GRM1: variants seen among roughly 807,000 people sequenced by gnomAD.
GRM1 encodes the protein metabotropic glutamate receptor 1.
Under a neutral mutation model 90.9 loss-of-function variants are expected in GRM1, and 33 were observed. The observed-to-expected ratio is 0.36, with a 90% CI of 0.28 to 0.49. The LOEUF is 0.49. Among genes scored for constraint, GRM1 ranks in the 20% least tolerant of loss-of-function variants. The pLI is 0.99. For missense variants in GRM1, 1,190 were observed against 1,534.3 expected, an observed-to-expected ratio of 0.78 and a Z score of 3.75; for synonymous variants, 700 against 613.2, an observed-to-expected ratio of 1.14 and a Z score of -2.09.
chr6:146,415,848 T>C (rs1239800551), intron 7 of GRM1, among the ~76,000 whole-genome samples: 1 of 152,206 alleles, frequency 6.6e-6, no homozygotes. Context: ...CAGATTCTTC[T>C]GTATCAGTTG....
chr6:146,408,334 C>T (rs536035923), intron 7 of GRM1, among the ~76,000 whole-genome samples: 4 of 152,188 alleles, frequency 2.6e-5, no homozygotes, highest in South Asian at 4.2e-4. Flanking sequence ...AGATGTCTAT[C>T]GAGTCATCTG....
At chr6:146,073,251 G>T (rs1017201569) in intron 1 of GRM1, among the ~76,000 whole-genome samples, 1 of 152,056 alleles carries the variant, frequency 6.6e-6, no homozygotes. Context: ...CAAACCCTAC[G>T]GTAGTTTGTT....
intron 7 of GRM1, among the ~76,000 whole-genome samples, chr6:146,406,975 A>C (rs2114611549): frequency 6.6e-6 from 1 of 152,278 alleles, no homozygotes; most frequent in East Asian, 1.9e-4. Flanking sequence ...AAGAGTTAGA[A>C]ATCCTTAGAC....
At chr6:146,180,445 G>A (rs1387701391) in intron 2 of GRM1, among the ~76,000 whole-genome samples, 1 of 152,052 alleles carries the variant, frequency 6.6e-6, no homozygotes, top group East Asian at 1.9e-4. Flanking sequence ...GTTATACTTA[G>A]ATGATTATCT....
chr6:146,114,046 A>G (rs1008709136), intron 1 of GRM1, among the ~76,000 whole-genome samples: 4 of 152,136 alleles, frequency 2.6e-5, no homozygotes, highest in Admixed American at 2.0e-4. Flanking sequence ...CATAATTACT[A>G]TATTTGTTGA....
At chr6:146,280,860 T>C (rs1782542014) in intron 2 of GRM1, among the ~76,000 whole-genome samples, 1 of 152,034 alleles carries the variant, frequency 6.6e-6, no homozygotes, top group Admixed American at 6.6e-5. Flanking sequence ...ACTCCTGGCC[T>C]CAAGGGAAGT....
At chr6:146,128,296 G>C (rs1776270620) in intron 1 of GRM1, among the ~76,000 whole-genome samples, 1 of 152,136 alleles carries the variant, frequency 6.6e-6, no homozygotes, top group African/African-American at 2.4e-5. Context: ...TTTAGAAAAT[G>C]CAATCCTGCT....
chr6:146,213,514 A>G (rs961063540), intron 2 of GRM1, among the ~76,000 whole-genome samples: 1 of 152,172 alleles, frequency 6.6e-6, no homozygotes, highest in African/African-American at 2.4e-5. Context: ...AATTTTACAC[A>G]TTATTGTACA....
intron 2 of GRM1, among the ~76,000 whole-genome samples, chr6:146,265,499 T>C (rs1477971114): frequency 6.6e-6 from 1 of 152,232 alleles, no homozygotes; most frequent in Admixed American, 6.5e-5. Flanking sequence ...TTCTGTTGTT[T>C]ATTTCTTTGG....
chr6:146,082,426 G>T lies in GRM1; in HGVS notation c.700+52209G>T, dbSNP rs149150092. On this transcript the variant is annotated intron_variant, in intron 1 of 7. Transcript: ENST00000282753. ...CTGCCTCAGCCTCCCAAAATGTTGG[G>T]ATTACAGGCATGAGCCACCATGCCT... is the stretch of plus-strand genomic sequence containing the variant. 4.0e-4 allele frequency among the ~76,000 whole-genome samples: 61 copies of T among 152,278 alleles called. 1 individual carries two copies. In the East Asian group the frequency reaches 0.01, roughly 25 times the overall value.
At chr6:146,358,513 G>A (rs149539351) in intron 5 of GRM1, among the ~76,000 whole-genome samples, 2 of 152,284 alleles carry the variant, frequency 1.3e-5, no homozygotes, top group East Asian at 3.9e-4. Context: ...GGCACAGACA[G>A]GCTGTCACGT....
At chr6:146,217,615 C>G (rs1434952684) in intron 2 of GRM1, among the ~76,000 whole-genome samples, 1 of 152,104 alleles carries the variant, frequency 6.6e-6, no homozygotes, top group Non-Finnish European at 1.5e-5. Context: ...AATGTAGGTG[C>G]CTACTGTGTG....
intron 2 of GRM1, among the ~76,000 whole-genome samples, chr6:146,290,316 C>G (rs755628126): frequency 6.6e-6 from 1 of 152,048 alleles, no homozygotes; most frequent in Non-Finnish European, 1.5e-5. Flanking sequence ...ATTTTCTTGA[C>G]GTACACAAGG....
In GRM1 at chr6:146,399,562, G is replaced by A. The variant is rs778194565; in HGVS notation, c.2523G>A (p.Lys841=). ...FTPKMYIIIA[K]PERNVRSAFT... is the part of the protein sequence containing the mutation. ...CCAAGATGTACATCATTATTGCCAA[G>A]CCTGAGAGGAATGTCCGCAGTGCCT... The change falls in exon 7 of 8, where the codon AAG becomes AAA. Residue 841 remains lysine (K), a synonymous_variant. Coordinates refer to ENST00000282753, the MANE Select transcript of GRM1 (RefSeq NM_001278064.2). The surrounding 1 kb of genome is among the most constrained non-coding windows in gnomAD (Gnocchi z 5.4). The A allele has an allele frequency of 1.9e-6, 3 of 1,614,144 alleles. No individual in the cohort carries two copies. Among genetic ancestry groups the A allele is most frequent in the Non-Finnish European group, 2.5e-6 (3 of 1,180,008 alleles).
intron 2 of GRM1, among the ~76,000 whole-genome samples, chr6:146,196,347 G>C (rs1779119142): frequency 6.7e-6 from 1 of 150,180 alleles, no homozygotes; most frequent in South Asian, 2.1e-4. Flanking sequence ...GACTGCAGTG[G>C]CACTATCTCG....
chr6:146,273,291 A>C (rs1279913381), intron 2 of GRM1, among the ~76,000 whole-genome samples: 1 of 152,108 alleles, frequency 6.6e-6, no homozygotes, highest in Non-Finnish European at 1.5e-5. Context: ...AACACCCTTC[A>C]GCTGATGGTT....
chr6:146,226,366 G>T (rs1183214052), intron 2 of GRM1, among the ~76,000 whole-genome samples: 1 of 152,040 alleles, frequency 6.6e-6, no homozygotes, highest in Non-Finnish European at 1.5e-5. Context: ...AAAAAGAGAT[G>T]AAAAGAAACC....
At chr6:146,422,019 T>A (rs545950059) in intron 7 of GRM1, among the ~76,000 whole-genome samples, 3 of 152,250 alleles carry the variant, frequency 2.0e-5, no homozygotes, top group Admixed American at 2.0e-4. Flanking sequence ...GCTAAAATGG[T>A]CTTGAGTGGT....
chr6:146,228,962 CAT>C (rs1780352955), intron 2 of GRM1, among the ~76,000 whole-genome samples: 1 of 152,072 alleles, frequency 6.6e-6, no homozygotes, highest in Non-Finnish European at 1.5e-5. Context: ...ACCTAGGAAA[CAT>C]AATCATTATG....
Sources: gnomAD v4.1 joint callset for allele counts (sites outside exome capture counted in the v4.1 genomes callset) on GRCh38, gnomAD v4.1.1 for gene constraint, Gnocchi (gnomAD v3.1) non-coding constraint, MANE v1.5 for transcripts, NCBI Gene and HGNC (gene_info 2026-07-23, HGNC 2026-07-21) for gene names.